The following FUBP3 variants were observed in gnomAD, a reference collection of about 807,000 sequenced individuals.
FUBP3 encodes the protein far upstream element binding protein 3.
In FUBP3, 28 loss-of-function variants were observed where a neutral mutation model predicts 85.6. The observed-to-expected ratio is 0.33, with a 90% CI of 0.24 to 0.45. The LOEUF is 0.45. FUBP3 is among the 20% of genes least tolerant of loss of function. The pLI is 1.00. For synonymous variants in FUBP3, 271 were observed against 271.4 expected, an observed-to-expected ratio of 1.00 and a Z score of 0.01; for missense variants, 583 against 755.1, an observed-to-expected ratio of 0.77 and a Z score of 2.67.
chr9:130,628,023 C>T (rs1052967268), intron 12 of FUBP3, among the ~76,000 whole-genome samples: 1 of 152,038 alleles, frequency 6.6e-6, no homozygotes, highest in African/African-American at 2.4e-5. Context: ...CTAAAGAAGC[C>T]TAATTAGTGT....
chr9:130,637,516 G>A lies in FUBP3; in HGVS notation c.*494G>A, dbSNP rs116955675. 0.032 allele frequency: 5,100 copies of A among 161,688 alleles called. 99 individuals carry two copies. The highest frequency in any genetic ancestry group is 0.048 in the Non-Finnish European group (3,545 of 73,324). The allele number at this position is 161,688 out of a possible 1,614,324, so 10.0% of individuals were successfully genotyped here. A position where few individuals can be genotyped will look rare whatever the true frequency, so the allele number is the denominator to read the frequency against. On this transcript the variant is annotated 3_prime_UTR_variant, in exon 19 of 19. Transcript: ENST00000319725. ...TAATTTCTTGTATCTTGGCTGTCTG[G>A]TTTTATTGCATTTTTAAAAAAACTG...
intron 2 of FUBP3, among the ~76,000 whole-genome samples, chr9:130,603,693 G>C (rs1831280345): frequency 6.6e-6 from 1 of 152,136 alleles, no homozygotes; most frequent in South Asian, 2.1e-4. Context: ...CATCAATGTT[G>C]TGACAAAAAT....
chr9:130,621,391 G>T (rs555721458), intron 9 of FUBP3, among the ~76,000 whole-genome samples: 1 of 152,244 alleles, frequency 6.6e-6, no homozygotes, highest in Admixed American at 6.5e-5. Flanking sequence ...TGTTCTAGAG[G>T]CTAAGGAGGG....
At chr9:130,580,001 T>C (rs148383279) in intron 1 of FUBP3, among the ~76,000 whole-genome samples, 227 of 152,160 alleles carry the variant, frequency 1.5e-3, no homozygotes, top group African/African-American at 5.1e-3. Context: ...TGGGAAAGGG[T>C]TTGCTTAGAG....
At chr9:130,625,500 A>G (rs539032846) in intron 11 of FUBP3, among the ~76,000 whole-genome samples, 36 of 152,358 alleles carry the variant, frequency 2.4e-4, no homozygotes, top group African/African-American at 8.7e-4. Context: ...TGTGTTGAAA[A>G]GTCTGTGCAG....
At chr9:130,615,100 G>C (rs769936311) in intron 6 of FUBP3, among the ~76,000 whole-genome samples, 1 of 152,192 alleles carries the variant, frequency 6.6e-6, no homozygotes, top group Non-Finnish European at 1.5e-5. Context: ...GAGTCTAGAT[G>C]AGCTTAAAGT....
At position 130,617,852 on chromosome 9, in the gene FUBP3, C is replaced by T; in HGVS notation, c.623C>T (p.Ala208Val). The change falls in exon 8 of 19, where the codon GCA (alanine) becomes GTA (valine). Residue 208 changes from alanine (A) to valine (V), a missense_variant. By Grantham distance (64) the Ala-to-Val change is moderately conservative. This residue lies in a region of FUBP3 where 404 missense variants were observed against 516.8 expected (regional missense o/e 0.78). Transcript: ENST00000319725. ...CAGGATGGCCCATTGCCCACGGGAG[C>T]AGACAAGCCTCTTCGTATCACTGGA... is the stretch of plus-strand genomic sequence containing the variant. ...MIQDGPLPTGADKPLRITGDA... is the reference protein window; with the variant it reads ...MIQDGPLPTGVDKPLRITGDA... The T allele has an allele frequency of 6.2e-7, 1 of 1,608,838 alleles. No individual in the cohort carries two copies. The highest frequency in any genetic ancestry group is 8.5e-7 in the Non-Finnish European group (1 of 1,175,402).
At chr9:130,600,739 G>A (rs1461865046) in intron 2 of FUBP3, among the ~76,000 whole-genome samples, 3 of 152,136 alleles carry the variant, frequency 2.0e-5, no homozygotes, top group African/African-American at 4.8e-5. Context: ...TTGGGAGGCC[G>A]AGGTGGGAGG....
Position 130,636,012 on chromosome 9 carries a change from C to T in FUBP3, c.1596C>T (p.Ser532=), listed in dbSNP as rs761120627. The T allele has an allele frequency of 2.4e-5, 39 of 1,613,082 alleles. No individual in the cohort carries two copies. Among genetic ancestry groups the T allele is most frequent in the East Asian group, 2.0e-4 (9 of 44,842 alleles). Residue 532 remains serine (S), a synonymous_variant, in exon 18 of 19, where the codon AGC becomes AGT. Coordinates refer to ENST00000319725, the MANE Select transcript of FUBP3 (RefSeq NM_003934.2). ...TTTGTCAACCAGGTCACGCCGCCAG[C>T]GCTGCTCCTCAGGCCAGCTCCCCAC... The part of the protein sequence containing the change: ...DYYKKQSHAA[S]AAPQASSPPD...
Position 130,616,531 on chromosome 9 carries a change from G to T in FUBP3, c.567+14G>T, listed in dbSNP as rs746649146. On this transcript the variant is annotated intron_variant, in intron 7 of 18. Coordinates refer to ENST00000319725, the MANE Select transcript of FUBP3 (RefSeq NM_003934.2). This position sits in a 1 kb window ranked among gnomAD's most constrained non-coding sequence, Gnocchi z 4.7. Reference sequence around the variant, plus strand: ...AAGCAGTTGCAGGTGTGTGAGCCCGGAGCACGGAGCACAGCGGCCGCTCGC... The same window carrying T: ...AAGCAGTTGCAGGTGTGTGAGCCCGTAGCACGGAGCACAGCGGCCGCTCGC... 4 of 1,603,312 alleles carry T rather than the reference G, an allele frequency of 2.5e-6. No individual in the cohort carries two copies. The highest frequency in any genetic ancestry group is 3.4e-6 in the Non-Finnish European group (4 of 1,170,472).
At chr9:130,596,744 G>T in intron 2 of FUBP3, 1 of 338,686 alleles carries the variant, frequency 3.0e-6, no homozygotes. Flanking sequence ...GTTCTTTTTA[G>T]TTAACTTAAG....
chr9:130,634,954 C>T (rs1039740735), intron 17 of FUBP3, among the ~76,000 whole-genome samples: 3 of 152,186 alleles, frequency 2.0e-5, no homozygotes, highest in Non-Finnish European at 2.9e-5. Flanking sequence ...CCCTGCGACT[C>T]GGCACATCCC....
intron 13 of FUBP3, 76 bp from the exon 14 acceptor site, chr9:130,631,481 G>T: frequency 2.1e-6 from 3 of 1,433,888 alleles, no homozygotes; most frequent in Non-Finnish European, 2.9e-6. Flanking sequence ...GCTGGGCTTT[G>T]CCTCGGGGTG....
chr9:130,588,747 T>C (rs1830456991), intron 1 of FUBP3, among the ~76,000 whole-genome samples: 1 of 152,186 alleles, frequency 6.6e-6, no homozygotes, highest in Admixed American at 6.5e-5. Flanking sequence ...TGCACTGTCT[T>C]CTTTGTAACA....
chr9:130,623,848 A>G (rs1367303531), intron 11 of FUBP3, 137 bp downstream of exon 11: 3 of 496,636 alleles, frequency 6.0e-6, no homozygotes, highest in Non-Finnish European at 1.1e-5. Flanking sequence ...CAGTTTCTCT[A>G]CATCAGCCTC....
chr9:130,621,967 G>C (rs1229987665), intron 9 of FUBP3, among the ~76,000 whole-genome samples: 2 of 151,726 alleles, frequency 1.3e-5, no homozygotes, highest in Non-Finnish European at 2.9e-5. Context: ...AGGGAAAAAT[G>C]TCCTTTATTA....
intron 18 of FUBP3, chr9:130,636,356 C>G (rs1168210576): frequency 1.6e-6 from 1 of 637,568 alleles, no homozygotes; most frequent in African/African-American, 1.8e-5. Flanking sequence ...GGGGCGCAGC[C>G]CCTACAAGGA....
At chr9:130,622,574 TGA>T (rs767614878) in intron 9 of FUBP3, 132 bp from the exon 10 acceptor site, 5 of 445,536 alleles carry the variant, frequency 1.1e-5, no homozygotes, top group Admixed American at 4.1e-5. Context: ...GAGGCTGCAG[TGA>T]GCTGAGATTG....
At chr9:130,603,347 C>CAAAAAAAA (rs34850259) in intron 2 of FUBP3, among the ~76,000 whole-genome samples, 5 of 83,826 alleles carry the variant, frequency 6.0e-5, no homozygotes, top group African/African-American at 2.0e-4. Context: ...ACTCTGTCTC[C>CAAAAAAAA]AAAAAAAAAA....
Sources: gnomAD v4.1 joint callset for allele counts (sites outside exome capture counted in the v4.1 genomes callset) on GRCh38, gnomAD v4.1.1 for gene constraint, gnomAD v4.1.1 regional missense constraint, Gnocchi (gnomAD v3.1) non-coding constraint, MANE v1.5 for transcripts, NCBI Gene and HGNC (gene_info 2026-07-23, HGNC 2026-07-21) for gene names.